The following NAB1 variants were observed in gnomAD, a reference collection of about 807,000 sequenced individuals.
NAB1 encodes NGFI-A binding protein 1.
NAB1 carries 25 observed loss-of-function variants against 49.9 expected under a neutral mutation model. That is an observed-to-expected ratio of 0.50 (90% CI 0.37 to 0.70). The LOEUF is 0.70. Among genes scored for constraint, NAB1 ranks in the 30% least tolerant of loss-of-function variants. The probability of loss-of-function intolerance (pLI) is 0.00; values close to 1 mark genes in which losing one functional copy is unlikely to be tolerated. For missense variants in NAB1, 489 were observed against 575.9 expected (o/e 0.85, Z 1.54); for synonymous variants, 198 against 215.6 (o/e 0.92, Z 0.71).
At position 190,651,688 on chromosome 2, in the gene NAB1, C is replaced by G. The variant is rs1455457182; in HGVS notation, c.-197+1706C>G. Among the ~76,000 whole-genome samples the G allele has an allele frequency of 6.6e-6, 1 of 152,068 alleles. No homozygotes were observed. The highest frequency in any genetic ancestry group is 1.5e-5 in the Non-Finnish European group (1 of 67,992). ...GCCTAAGACTTAGGACTCATTTATT[C>G]CATTATAACAAGCCTGGAGCTGTTT... On this transcript the variant is annotated intron_variant, in intron 2 of 9. Transcript: ENST00000337386. This position sits in a 1 kb window ranked among gnomAD's most constrained non-coding sequence, Gnocchi z 4.3.
intron 9 of NAB1, among the ~76,000 whole-genome samples, chr2:190,688,214 T>C (rs1695716676): frequency 6.6e-6 from 1 of 152,338 alleles, no homozygotes; most frequent in East Asian, 1.9e-4. Flanking sequence ...CAAATTTGCA[T>C]TGTAAGTCAG....
At position 190,677,228 on chromosome 2, in the gene NAB1, G is replaced by T. The variant is rs1017261539; in HGVS notation, c.1005+4076G>T. ...AAAAAAAAATAGCAGTATACACATT[G>T]CATAGAAGTAATCAAGATAATCTGT... is the stretch of plus-strand genomic sequence containing the variant. On this transcript the variant is annotated intron_variant, in intron 6 of 9. Coordinates refer to ENST00000337386, the MANE Select transcript of NAB1 (RefSeq NM_005966.4). This position sits in a 1 kb window ranked among gnomAD's most constrained non-coding sequence, Gnocchi z 5.6. 10 of 152,164 alleles carry T rather than the reference G, an allele frequency of 6.6e-5. No individual in the cohort carries two copies. Among genetic ancestry groups the T allele is most frequent in the African/African-American group, 2.4e-4 (10 of 41,434 alleles). The allele number at this position is 152,164 out of a possible 1,614,324, so 9.4% of individuals were successfully genotyped here.
At chr2:190,687,651 A>G (rs1424531586) in intron 9 of NAB1, among the ~76,000 whole-genome samples, 1 of 152,158 alleles carries the variant, frequency 6.6e-6, no homozygotes, top group Admixed American at 6.5e-5. Flanking sequence ...GGGATGCTCA[A>G]TTGTCAGTTT....
rs888229259 is a variant in NAB1, at chr2:190,663,573, C to T, written c.819+3578C>T. Among the ~76,000 whole-genome samples, 3 of 152,170 alleles carry T rather than the reference C, an allele frequency of 2.0e-5. No homozygotes were observed. The highest frequency in any genetic ancestry group is 2.0e-4 in the Admixed American group (3 of 15,278). The stretch of plus-strand genomic sequence containing the variant: ...AAAATATTTACTCTCTGGCCTTTTA[C>T]AGAAAAAGCTTGCCAACCTCTGATC... On this transcript the variant is annotated intron_variant, in intron 4 of 9. Transcript: ENST00000337386. The surrounding 1 kb of genome is among the most constrained non-coding windows in gnomAD (Gnocchi z 4.2).
Position 190,685,492 on chromosome 2 carries a change from T to A in NAB1, c.1112T>A (p.Met371Lys), listed in dbSNP as rs761463081. The change falls in exon 8 of 10, where the codon ATG becomes AAG. Residue 371 changes from methionine to lysine, a missense_variant. Transcript: ENST00000337386. This position sits in a 1 kb window ranked among gnomAD's most constrained non-coding sequence, Gnocchi z 4.5. ...ALSSQQPEKV[M>K]AKQMEFLCNQ... ...ACTTACTAGCAGCCTGAAAAGGTGA[T>A]GGCAAAGCAGATGGAGTTCCTTTGC... The A allele has an allele frequency of 3.7e-6, 6 of 1,610,562 alleles. No individual in the cohort carries two copies. The highest frequency in any genetic ancestry group is 1.8e-4 in the Middle Eastern group (1 of 5,588).
At chr2:190,668,220 T>C (rs1380536548) in intron 4 of NAB1, among the ~76,000 whole-genome samples, 1 of 152,218 alleles carries the variant, frequency 6.6e-6, no homozygotes, top group Non-Finnish European at 1.5e-5. Context: ...AATTTTAGTA[T>C]ACCCTGTGAC....
chr2:190,667,629 G>C lies in NAB1; in HGVS notation c.820-2697G>C, dbSNP rs1694591533. Among the ~76,000 whole-genome samples the C allele has an allele frequency of 1.3e-5, 2 of 152,150 alleles. No homozygotes were observed. The highest frequency in any genetic ancestry group is 4.8e-5 in the African/African-American group (2 of 41,494). ...ATATTCAGCTATGGGTTTAAAATAGGAGACCTGGGTTTATTATTATAACTT... is the reference window on the plus strand; with the variant it reads ...ATATTCAGCTATGGGTTTAAAATAGCAGACCTGGGTTTATTATTATAACTT... On this transcript the variant is annotated intron_variant, in intron 4 of 9. Coordinates refer to ENST00000337386, the MANE Select transcript of NAB1 (RefSeq NM_005966.4). This position sits in a 1 kb window ranked among gnomAD's most constrained non-coding sequence, Gnocchi z 4.4.
rs13390369 is a variant in NAB1, at chr2:190,652,976, C to T, written c.-197+2994C>T. Among the ~76,000 whole-genome samples the T allele has an allele frequency of 0.016, 2,374 of 152,300 alleles. 66 individuals are homozygous for T. The highest frequency in any genetic ancestry group is 0.054 in the African/African-American group (2,260 of 41,536). On this transcript the variant is annotated intron_variant, in intron 2 of 9. Coordinates refer to ENST00000337386, the MANE Select transcript of NAB1 (RefSeq NM_005966.4). The surrounding 1 kb of genome is among the most constrained non-coding windows in gnomAD (Gnocchi z 4.2). ...CTTTGAATACGGCCCAACACAAATGCATAAACTTTCTTATCAGCTATCGTT... is the reference window on the plus strand; with the variant it reads ...CTTTGAATACGGCCCAACACAAATGTATAAACTTTCTTATCAGCTATCGTT...
rs1694318903 is a variant in NAB1 at position 190,663,315 on chromosome 2, TTA to T, written c.819+3322_819+3323del. 6.6e-6 allele frequency among the ~76,000 whole-genome samples: 1 copy of T among 152,234 alleles called. No individual in the cohort carries two copies. Among genetic ancestry groups the T allele is most frequent in the Admixed American group, 6.5e-5 (1 of 15,282 alleles). ...TATTGACCTAATATTGATTGTACAC[TTA>T]TCTCTCCTTAGCTCCTGACCAACCT... On this transcript the variant is annotated intron_variant, in intron 4 of 9. Transcript: ENST00000337386. This position sits in a 1 kb window ranked among gnomAD's most constrained non-coding sequence, Gnocchi z 4.2.
intron 4 of NAB1, among the ~76,000 whole-genome samples, chr2:190,664,953 A>G (rs1694436765): frequency 6.6e-6 from 1 of 152,046 alleles, no homozygotes; most frequent in Non-Finnish European, 1.5e-5. Context: ...TAGCCCTGAT[A>G]TACTTTCTGT....
chr2:190,672,467 C>T lies in NAB1; in HGVS notation c.954-634C>T, dbSNP rs569883591. Among the ~76,000 whole-genome samples the T allele has an allele frequency of 1.5e-3, 222 of 151,998 alleles. 1 individual carries two copies. The highest frequency in any genetic ancestry group is 5.1e-3 in the African/African-American group (210 of 41,448). ...ATTTTATATATATATATGTAGGTAC[C>T]ACTGGGATAGGTTTTCCCAGCAGAG... On this transcript the variant is annotated intron_variant, in intron 5 of 9. Coordinates refer to ENST00000337386, the MANE Select transcript of NAB1 (RefSeq NM_005966.4).
chr2:190,665,954 C>G (rs1000745785), intron 4 of NAB1, among the ~76,000 whole-genome samples: 2 of 151,944 alleles, frequency 1.3e-5, no homozygotes, highest in African/African-American at 4.8e-5. Flanking sequence ...CTCTTTTTTC[C>G]TTCCCATTCT....
At position 190,679,345 on chromosome 2, in the gene NAB1, G is replaced by A. The variant is rs779328899; in HGVS notation, c.1006-4393G>A. ...TCCACAGTGAACTGTCAAGACTGTA[G>A]GAGTAAATAATGACTAATGTGCTCA... On this transcript the variant is annotated intron_variant, in intron 6 of 9. Transcript: ENST00000337386. The surrounding 1 kb of genome is among the most constrained non-coding windows in gnomAD (Gnocchi z 5.3). 6.6e-6 allele frequency among the ~76,000 whole-genome samples: 1 copy of A among 152,210 alleles called. No individual in the cohort carries two copies. Among genetic ancestry groups the A allele is most frequent in the Non-Finnish European group, 1.5e-5 (1 of 68,038 alleles).
In NAB1 at chr2:190,666,732, T is replaced by C. The variant is rs1037434220; in HGVS notation, c.820-3594T>C. 2.0e-5 allele frequency among the ~76,000 whole-genome samples: 3 copies of C among 152,038 alleles called. No individual in the cohort carries two copies. The highest frequency in any genetic ancestry group is 7.2e-5 in the African/African-American group (3 of 41,406). On this transcript the variant is annotated intron_variant, in intron 4 of 9. Coordinates refer to ENST00000337386, the MANE Select transcript of NAB1 (RefSeq NM_005966.4). This position sits in a 1 kb window ranked among gnomAD's most constrained non-coding sequence, Gnocchi z 5.6. ...AAGGAAGCGAACTTTAAGAAATCTT[T>C]CACATAAAGATATGGTGGAATTTTG...
intron 7 of NAB1, 112 bp downstream of exon 7, chr2:190,683,939 G>GTTTGTT (rs1328842041): frequency 2.3e-5 from 19 of 834,308 alleles, no homozygotes; most frequent in East Asian, 1.1e-4. Flanking sequence ...TTTTATTTCC[G>GTTTGTT]TTTGTTTTTT....
Position 190,677,750 on chromosome 2 carries a change from TTC to T in NAB1, c.1005+4599_1005+4600del, listed in dbSNP as rs1695142978. On this transcript the variant is annotated intron_variant, in intron 6 of 9. Coordinates refer to ENST00000337386, the MANE Select transcript of NAB1 (RefSeq NM_005966.4). This position sits in a 1 kb window ranked among gnomAD's most constrained non-coding sequence, Gnocchi z 5.6. ...GAGAGACCCAGACAGGCTCAGTATC[TTC>T]ACCTGTGTTGCCAAACTGCTATCCA... Among the ~76,000 whole-genome samples, 1 of 152,194 alleles carries T rather than the reference TTC, an allele frequency of 6.6e-6. No homozygotes were observed. Among genetic ancestry groups the T allele is most frequent in the Non-Finnish European group, 1.5e-5 (1 of 68,040 alleles).
In NAB1 at chr2:190,685,613, G is replaced by C; in HGVS notation, c.1233G>C (p.Leu411Phe). The change falls in exon 8 of 10, where the codon TTG (leucine) becomes TTC (phenylalanine). Residue 411 changes from leucine to phenylalanine, a missense_variant. Leu to Phe is a conservative substitution (Grantham distance 22). Coordinates refer to ENST00000337386, the MANE Select transcript of NAB1 (RefSeq NM_005966.4). The surrounding 1 kb of genome is among the most constrained non-coding windows in gnomAD (Gnocchi z 4.5). Reference sequence around the variant, plus strand: ...CAGAAGAGCACAGTCCTAACGGCTTGACTTCCGATAACTCAGATGGACAAG... The same window carrying C: ...CAGAAGAGCACAGTCCTAACGGCTTCACTTCCGATAACTCAGATGGACAAG... ...QSSEEHSPNG[L>F]TSDNSDGQGE... 6.2e-7 allele frequency: 1 copy of C among 1,610,130 alleles called. No homozygotes were observed. Among genetic ancestry groups the C allele is most frequent in the Non-Finnish European group, 8.5e-7 (1 of 1,178,676 alleles).
intron 4 of NAB1, among the ~76,000 whole-genome samples, chr2:190,664,419 C>T (rs1476447113): frequency 1.5e-4 from 23 of 151,506 alleles, no homozygotes; most frequent in African/African-American, 5.6e-4. Context: ...TCACAGCTTA[C>T]TGTATCCTCG....
rs956731361 is a variant in NAB1 at position 190,685,419 on chromosome 2, C to T, written c.1096-57C>T. ...GGAGTCTGAAATTGGCATCTTTAAACCATTAAAAAATCTAGAATGTTTCAG... is the reference window on the plus strand; with the variant it reads ...GGAGTCTGAAATTGGCATCTTTAAATCATTAAAAAATCTAGAATGTTTCAG... On this transcript the variant is annotated intron_variant, in intron 7 of 9. Transcript: ENST00000337386. The surrounding 1 kb of genome is among the most constrained non-coding windows in gnomAD (Gnocchi z 4.5). The T allele has an allele frequency of 8.1e-6, 12 of 1,474,112 alleles. No homozygotes were observed. Among genetic ancestry groups the T allele is most frequent in the Admixed American group, 4.6e-5 (2 of 43,812 alleles). The allele number at this position is 1,474,112 out of a possible 1,614,324, so 91.3% of individuals were successfully genotyped here.
Sources: gnomAD v4.1 joint callset for allele counts (sites outside exome capture counted in the v4.1 genomes callset) on GRCh38, gnomAD v4.1.1 for gene constraint, Gnocchi (gnomAD v3.1) non-coding constraint, MANE v1.5 for transcripts, NCBI Gene and HGNC (gene_info 2026-07-23, HGNC 2026-07-21) for gene names.